The following MCTP1 variants were observed in gnomAD, a reference collection of about 807,000 sequenced individuals.
The protein encoded by MCTP1 is multiple C2 and transmembrane domain containing 1.
MCTP1 carries 69 observed loss-of-function variants against 120.6 expected under a neutral mutation model. That is an observed-to-expected ratio of 0.57 (90% CI 0.47 to 0.70). The LOEUF is 0.70. MCTP1 is among the 30% of genes least tolerant of loss of function. The pLI, the probability that MCTP1 is intolerant of heterozygous loss-of-function variation, is 0.00. For missense variants in MCTP1, 1,203 were observed against 1,248.8 expected (o/e 0.96, Z 0.55); for synonymous variants, 529 against 493.1 (o/e 1.07, Z -0.96).
chr5:94,841,866 G>A (rs930108413), intron 17 of MCTP1, among the ~76,000 whole-genome samples: 2 of 152,124 alleles, frequency 1.3e-5, no homozygotes, highest in African/African-American at 2.4e-5. Flanking sequence ...TATGTGCACC[G>A]TTCTACTGTT....
rs1245689158 is a variant in MCTP1, at chr5:95,257,792, A to AACATACAC, written c.720+26056_720+26063dup. Among the ~76,000 whole-genome samples, 258 of 143,800 alleles carry AACATACAC rather than the reference A, an allele frequency of 1.8e-3. 27 individuals carry two copies. Among genetic ancestry groups the AACATACAC allele is most frequent in the South Asian group, 2.7e-3 (12 of 4,376 alleles). The allele number at this position is 143,800 out of a possible 152,430, so 94.3% of individuals were successfully genotyped here. A position where few individuals can be genotyped will look rare whatever the true frequency, so the allele number is the denominator to read the frequency against. ...AAAGAAGGAAGGAAGTGCTCCAGAA[A>AACATACAC]ACATACACACACACACACACACACA... On this transcript the variant is annotated intron_variant, in intron 1 of 22. Coordinates refer to ENST00000515393, the MANE Select transcript of MCTP1 (RefSeq NM_024717.7).
At chr5:95,101,785 C>A (rs760506715) in intron 1 of MCTP1, among the ~76,000 whole-genome samples, 1 of 152,170 alleles carries the variant, frequency 6.6e-6, no homozygotes, top group African/African-American at 2.4e-5. Context: ...AAATGAAGAA[C>A]CTGAATTATT....
intron 1 of MCTP1, among the ~76,000 whole-genome samples, chr5:95,234,841 C>CA (rs1755361568): frequency 6.6e-6 from 1 of 151,874 alleles, no homozygotes. Flanking sequence ...ATTGAATTTG[C>CA]AAAAAAACTG....
At chr5:94,966,151 T>C (rs1036774835) in intron 2 of MCTP1, among the ~76,000 whole-genome samples, 1 of 152,190 alleles carries the variant, frequency 6.6e-6, no homozygotes, top group Admixed American at 6.5e-5. Flanking sequence ...AATTTTATGT[T>C]ACTTGCCCAA....
chr5:94,821,855 A>ATATATAAGTGAACCCTTG (rs1237067259), intron 17 of MCTP1, among the ~76,000 whole-genome samples: 1 of 152,176 alleles, frequency 6.6e-6, no homozygotes, highest in Non-Finnish European at 1.5e-5. Context: ...AAAAAAATCC[A>ATATATAAGTGAACCCTTG]TATATAAGTG....
chr5:94,867,837 C>T (rs1797109693), intron 17 of MCTP1: 1 of 158,872 alleles, frequency 6.3e-6, no homozygotes, highest in Non-Finnish European at 1.4e-5. Context: ...AATAATAAAA[C>T]ATCTCTTAAA....
At chr5:95,226,871 C>T (rs1472233010) in intron 1 of MCTP1, among the ~76,000 whole-genome samples, 1 of 151,908 alleles carries the variant, frequency 6.6e-6, no homozygotes, top group African/African-American at 2.4e-5. Context: ...AGAAAGAACC[C>T]TTCATTTCCT....
At chr5:94,818,238 G>T (rs2153090845) in intron 17 of MCTP1, among the ~76,000 whole-genome samples, 1 of 152,306 alleles carries the variant, frequency 6.6e-6, no homozygotes, top group South Asian at 2.1e-4. Flanking sequence ...AAGCAGACAT[G>T]TCTGAAAGTA....
At chr5:94,956,451 G>T (rs1250686941) in intron 2 of MCTP1, among the ~76,000 whole-genome samples, 2 of 152,174 alleles carry the variant, frequency 1.3e-5, no homozygotes. Flanking sequence ...TCAGAAGGTA[G>T]ATAATAACAA....
At chr5:95,160,441 C>A (rs1224519044) in intron 1 of MCTP1, among the ~76,000 whole-genome samples, 1 of 152,088 alleles carries the variant, frequency 6.6e-6, no homozygotes, top group African/African-American at 2.4e-5. Flanking sequence ...GAACATTTGC[C>A]ATGTTCTAGG....
intron 19 of MCTP1, among the ~76,000 whole-genome samples, chr5:94,759,057 C>T (rs1396878871): frequency 1.3e-5 from 2 of 152,056 alleles, no homozygotes; most frequent in Non-Finnish European, 2.9e-5. Flanking sequence ...CAAAACCTGA[C>T]CTTCTAATGA....
chr5:94,757,097 A>G (rs1163776889), intron 19 of MCTP1, among the ~76,000 whole-genome samples: 2 of 152,160 alleles, frequency 1.3e-5, no homozygotes, highest in African/African-American at 2.4e-5. Context: ...TACCTAATAG[A>G]GTTGTCATGA....
chr5:94,906,988 CA>C (rs1281611275), intron 10 of MCTP1, among the ~76,000 whole-genome samples: 1 of 152,170 alleles, frequency 6.6e-6, no homozygotes, highest in Non-Finnish European at 1.5e-5. Context: ...CCTGAATACT[CA>C]AATTTAATTG....
chr5:95,175,979 G>A (rs981153661), intron 1 of MCTP1, among the ~76,000 whole-genome samples: 4 of 152,142 alleles, frequency 2.6e-5, no homozygotes, highest in Non-Finnish European at 5.9e-5. Context: ...CAAAACGCAG[G>A]CTGAAAGGCA....
chr5:95,045,197 G>A (rs1229303426), intron 1 of MCTP1, among the ~76,000 whole-genome samples: 1 of 152,140 alleles, frequency 6.6e-6, no homozygotes, highest in African/African-American at 2.4e-5. Flanking sequence ...GCTATTGGCA[G>A]GACTAGCTCC....
At position 95,185,572 on chromosome 5, in the gene MCTP1, C is replaced by T. The variant is rs569154538; in HGVS notation, c.720+98284G>A. Reference sequence around the variant, plus strand: ...TCGAAGTGGGTGGATTGCCTAAGGTCAGGAGTTGGAGACCAGCCTGACCAA... The same window carrying T: ...TCGAAGTGGGTGGATTGCCTAAGGTTAGGAGTTGGAGACCAGCCTGACCAA... On this transcript the variant is annotated intron_variant, in intron 1 of 22. Coordinates refer to ENST00000515393, the MANE Select transcript of MCTP1 (RefSeq NM_024717.7). 3.3e-5 allele frequency among the ~76,000 whole-genome samples: 5 copies of T among 152,314 alleles called. No individual in the cohort carries two copies. In the East Asian group the frequency reaches 9.6e-4, roughly 29 times the overall value.
At chr5:94,852,893 C>T (rs1366993509) in intron 17 of MCTP1, among the ~76,000 whole-genome samples, 1 of 151,902 alleles carries the variant, frequency 6.6e-6, no homozygotes, top group Admixed American at 6.6e-5. Flanking sequence ...ATAAACCACA[C>T]TAAAATAATT....
intron 3 of MCTP1, among the ~76,000 whole-genome samples, chr5:94,949,635 C>A (rs950303268): frequency 6.6e-6 from 1 of 152,114 alleles, no homozygotes; most frequent in African/African-American, 2.4e-5. Context: ...TGGCTCAGAA[C>A]TGAATTTTTT....
At chr5:94,928,743 T>C (rs1399696490) in intron 6 of MCTP1, among the ~76,000 whole-genome samples, 1 of 152,180 alleles carries the variant, frequency 6.6e-6, no homozygotes, top group African/African-American at 2.4e-5. Flanking sequence ...TCAAATATAA[T>C]GCATATTTTA....
Sources: gnomAD v4.1 joint callset for allele counts (sites outside exome capture counted in the v4.1 genomes callset) on GRCh38, gnomAD v4.1.1 for gene constraint, MANE v1.5 for transcripts, NCBI Gene and HGNC (gene_info 2026-07-23, HGNC 2026-07-21) for gene names.